The following PKHD1L1 variants were observed in gnomAD, a reference collection of about 807,000 sequenced individuals.
PKHD1L1 encodes the protein fibrocystin-L.
PKHD1L1 carries 434 observed loss-of-function variants against 462.9 expected under a neutral mutation model. The observed-to-expected ratio is 0.94, with a 90% CI of 0.87 to 1.02. The LOEUF (loss-of-function observed/expected upper bound fraction) is 1.02. PKHD1L1 is among the 50% of genes least tolerant of loss of function. The pLI is 0.00. For synonymous variants in PKHD1L1, 1,781 were observed against 1,750.0 expected (o/e 1.02, Z -0.44); for missense variants, 5,202 against 5,096.1 (o/e 1.02, Z -0.63).
chr8:109,523,182 G>T lies in PKHD1L1; in HGVS notation c.12331-51G>T, dbSNP rs960534186. On this transcript the variant is annotated intron_variant, in intron 75 of 77. Coordinates refer to ENST00000378402, the MANE Select transcript of PKHD1L1 (RefSeq NM_177531.6). Reference sequence around the variant, plus strand: ...TAAAGTTTTGCATATATTTTTAAAAGCATGGAAACAGGACAATTGTTATAA... The same window carrying T: ...TAAAGTTTTGCATATATTTTTAAAATCATGGAAACAGGACAATTGTTATAA... 4 of 1,469,354 alleles carry T rather than the reference G, an allele frequency of 2.7e-6. No individual in the cohort carries two copies. In the East Asian group the frequency reaches 9.2e-5, roughly 34 times the overall value. The allele number at this position is 1,469,354 out of a possible 1,614,324, so 91.0% of individuals were successfully genotyped here.
intron 2 of PKHD1L1, among the ~76,000 whole-genome samples, chr8:109,380,670 A>T (rs541670436): frequency 2.6e-5 from 4 of 152,310 alleles, no homozygotes; most frequent in African/African-American, 7.2e-5. Context: ...AAGACATGCT[A>T]TATTTTCCTT....
chr8:109,377,129 A>T (rs1312223270), intron 2 of PKHD1L1, among the ~76,000 whole-genome samples: 2 of 152,236 alleles, frequency 1.3e-5, no homozygotes, highest in East Asian at 3.8e-4. Context: ...TGGCAACCCC[A>T]ATTCTGCCAC....
chr8:109,479,926 TC>T, intron 54 of PKHD1L1, 64 bp from the exon 55 acceptor site: 1 of 1,419,464 alleles, frequency 7.0e-7, no homozygotes, highest in Non-Finnish European at 9.3e-7. Flanking sequence ...GATAAGCTTG[TC>T]AATGTTTTGC....
intron 67 of PKHD1L1, among the ~76,000 whole-genome samples, chr8:109,499,664 T>C (rs537009396): frequency 1.3e-5 from 2 of 152,338 alleles, no homozygotes; most frequent in East Asian, 1.9e-4. Flanking sequence ...TATTCTTTCA[T>C]AAGATATAGT....
Position 109,461,789 on chromosome 8 carries a change from A to T in PKHD1L1, c.7264A>T (p.Thr2422Ser), listed in dbSNP as rs1410283237. Residue 2422 changes from threonine (T) to serine (S), a missense_variant, in exon 48 of 78, where the codon ACC (threonine) becomes TCC (serine). By Grantham distance (58) the Thr-to-Ser change is moderately conservative. Transcript: ENST00000378402. ...GFDTGEFATQ[T>S]CLQGKFGEEI... ...TTTTGAAGGAGAATTTGCTACACAG[A>T]CCTGTCTCCAAGGAAAGTTTGGAGA... 2 of 1,609,452 alleles carry T rather than the reference A, an allele frequency of 1.2e-6. No homozygotes were observed. Among genetic ancestry groups the T allele is most frequent in the Non-Finnish European group, 1.7e-6 (2 of 1,177,760 alleles).
intron 71 of PKHD1L1, among the ~76,000 whole-genome samples, chr8:109,512,530 G>C (rs934850273): frequency 6.6e-6 from 1 of 151,812 alleles, no homozygotes; most frequent in Non-Finnish European, 1.5e-5. Context: ...ATTTCTGAGG[G>C]CTCTGTTCTG....
intron 17 of PKHD1L1, among the ~76,000 whole-genome samples, chr8:109,407,681 C>A (rs1312955271): frequency 6.6e-6 from 1 of 152,122 alleles, no homozygotes; most frequent in Non-Finnish European, 1.5e-5. Context: ...TCCAGCTGAG[C>A]ATTTGCACTA....
chr8:109,461,744 T>TTTA, intron 47 of PKHD1L1, 28 bp from the exon 48 acceptor site: 1 of 1,590,512 alleles, frequency 6.3e-7, no homozygotes, highest in South Asian at 1.2e-5. Context: ...ACAATTTTTT[T>TTTA]AATGATGCTT....
rs757809670 is a variant in PKHD1L1, at chr8:109,394,197, A to AG, written c.741-217dup. Among the ~76,000 whole-genome samples the AG allele has an allele frequency of 1.8e-3, 243 of 135,878 alleles. 11 individuals are homozygous for AG. The highest frequency in any genetic ancestry group is 5.9e-3 in the South Asian group (25 of 4,210). 89.1% of individuals were successfully genotyped at this position (135,878 alleles called of 152,430 possible). A position where few individuals can be genotyped will look rare whatever the true frequency, so the allele number is the denominator to read the frequency against. ...AAAAAAAAAAAAAAAAAAAAAAAAA[A>AG]GAAATCAACTTTATTGAGATATAGT... On this transcript the variant is annotated intron_variant, in intron 9 of 77. Coordinates refer to ENST00000378402, the MANE Select transcript of PKHD1L1 (RefSeq NM_177531.6).
chr8:109,509,218 C>CA (rs926276859), intron 70 of PKHD1L1, among the ~76,000 whole-genome samples: 2 of 152,026 alleles, frequency 1.3e-5, no homozygotes, highest in African/African-American at 4.8e-5. Context: ...CTGTGACCTG[C>CA]AGTTAACCCA....
In PKHD1L1 at chr8:109,442,175, G is replaced by T. The variant is rs1815833519; in HGVS notation, c.4373G>T (p.Gly1458Val). 19 of 1,611,058 alleles carry T rather than the reference G, an allele frequency of 1.2e-5. No homozygotes were observed. Among genetic ancestry groups the T allele is most frequent in the Non-Finnish European group, 1.5e-5 (18 of 1,178,822 alleles). The part of the protein sequence containing the change: ...VIYDGKGFTS[G>V]RQKSTSGSFS... ...TATGATGGCAAAGGATTCACAAGTG[G>T]AAGACAAAAATCTACATCAGGTATG... The change falls in exon 35 of 78, where the codon GGA (glycine) becomes GTA (valine). Residue 1458 changes from glycine to valine, a missense_variant. By Grantham distance (109) the Gly-to-Val change is moderately radical. This residue lies in a region of PKHD1L1 where 4,497 missense variants were observed against 4,336.8 expected (regional missense o/e 1.04). Transcript: ENST00000378402.
rs1035321102 is a variant in PKHD1L1, at chr8:109,436,606, T to C, written c.3627+147T>C. ...TATTATGCTCCTTAAAACTTATTTC[T>C]TCCATATCTTTCCACTAAGATTCAA... On this transcript the variant is annotated intron_variant, in intron 30 of 77. Transcript: ENST00000378402. The C allele has an allele frequency of 8.7e-6, 11 of 1,266,516 alleles. No individual in the cohort carries two copies. The African/African-American group carries it at 1.6e-4, about 18-fold the overall frequency. 78.5% of individuals were successfully genotyped at this position (1,266,516 alleles called of 1,614,324 possible). A position where few individuals can be genotyped will look rare whatever the true frequency, so the allele number is the denominator to read the frequency against.
intron 8 of PKHD1L1, 143 bp downstream of exon 8, chr8:109,389,295 G>A: frequency 1.7e-6 from 1 of 572,278 alleles, no homozygotes; most frequent in Non-Finnish European, 3.0e-6. Flanking sequence ...TCTTTTCCTT[G>A]GCTTCTTTTC....
intron 50 of PKHD1L1, among the ~76,000 whole-genome samples, chr8:109,467,765 A>G (rs1179430119): frequency 1.3e-5 from 2 of 152,206 alleles, no homozygotes; most frequent in Non-Finnish European, 2.9e-5. Context: ...TGATGAATCA[A>G]AGATTTGCTA....
chr8:109,429,304 T>C (rs779817985), intron 25 of PKHD1L1, 36 bp from the exon 26 acceptor site: 6 of 1,448,062 alleles, frequency 4.1e-6, no homozygotes, highest in Admixed American at 2.1e-5. Context: ...ATATTTGTTA[T>C]AACCTTTCTA....
chr8:109,364,522 T>C (rs1811131662), intron 1 of PKHD1L1, 25 bp from the exon 2 acceptor site: 2 of 1,471,202 alleles, frequency 1.4e-6, no homozygotes, highest in Non-Finnish European at 1.9e-6. Context: ...GATTTTTACC[T>C]CTACTGTATT....
At chr8:109,429,276 T>C in intron 25 of PKHD1L1, 64 bp from the exon 26 acceptor site, 1 of 1,332,672 alleles carries the variant, frequency 7.5e-7, no homozygotes, top group Non-Finnish European at 1.0e-6. Flanking sequence ...AAATTTAAAA[T>C]GAAAAACTAG....
At chr8:109,496,872 G>C in intron 63 of PKHD1L1, 47 bp from the exon 64 acceptor site, 1 of 1,535,552 alleles carries the variant, frequency 6.5e-7, no homozygotes, top group South Asian at 1.2e-5. Flanking sequence ...AAAACTATAT[G>C]ACATGAAATG....
intron 20 of PKHD1L1, 117 bp downstream of exon 20, chr8:109,412,531 A>ACC: frequency 9.2e-7 from 1 of 1,091,044 alleles, no homozygotes; most frequent in African/African-American, 1.6e-5. Flanking sequence ...TCATATTGTA[A>ACC]CAGGCACCGA....
Sources: allele counts gnomAD v4.1 joint callset (sites outside exome capture counted in the v4.1 genomes callset), GRCh38; gene constraint gnomAD v4.1.1; regional missense constraint gnomAD v4.1.1; transcripts MANE v1.5; gene names NCBI Gene and HGNC (gene_info 2026-07-23, HGNC 2026-07-21).